PRMT8: variants seen among roughly 807,000 people sequenced by gnomAD.
PRMT8 encodes the protein protein arginine methyltransferase 8.
A neutral mutation model predicts 47.1 loss-of-function variants in PRMT8; 7 were observed. The ratio of observed to expected loss-of-function variants is 0.15; its 90% CI spans 0.08 to 0.28. The LOEUF (loss-of-function observed/expected upper bound fraction) is 0.28. Among genes scored for constraint, PRMT8 ranks in the 10% least tolerant of loss-of-function variants. PRMT8 has a pLI of 1.00. For missense variants in PRMT8, 237 were observed against 505.4 expected, an observed-to-expected ratio of 0.47 and a Z score of 5.09; for synonymous variants, 188 against 186.5, an observed-to-expected ratio of 1.01 and a Z score of -0.07.
At position 3,456,908 on chromosome 12, in the gene PRMT8, T is replaced by A. The variant is rs541815888; in HGVS notation, c.48+75466T>A. Among the ~76,000 whole-genome samples the A allele has an allele frequency of 6.6e-6, 1 of 152,320 alleles. No homozygotes were observed. The highest frequency in any genetic ancestry group is 2.1e-4 in the South Asian group (1 of 4,824). On this transcript the variant is annotated intron_variant, in intron 1 of 9. Transcript: ENST00000452611. This position sits in a 1 kb window ranked among gnomAD's most constrained non-coding sequence, Gnocchi z 4.2. ...ACACAGAGGACAGGTGCGTCTTTTC[T>A]TGCTGTGGCTGACGTCCTAGCCGTG...
chr12:3,564,750 C>T lies in PRMT8; in HGVS notation c.482-3956C>T, dbSNP rs1866690739. Among the ~76,000 whole-genome samples the T allele has an allele frequency of 6.6e-6, 1 of 152,256 alleles. No homozygotes were observed. The highest frequency in any genetic ancestry group is 2.1e-4 in the South Asian group (1 of 4,832). On this transcript the variant is annotated intron_variant, in intron 4 of 9. Transcript: ENST00000382622. This position sits in a 1 kb window ranked among gnomAD's most constrained non-coding sequence, Gnocchi z 4.0. The stretch of plus-strand genomic sequence containing the variant: ...CCAGATTGGGCATGGAGCTCTGCAG[C>T]CTACGGCTGCTCGGAATCTTAATAT...
At chr12:3,477,935 C>G (rs1269678505) in intron 1 of PRMT8, among the ~76,000 whole-genome samples, 1 of 152,134 alleles carries the variant, frequency 6.6e-6, no homozygotes, top group African/African-American at 2.4e-5. Flanking sequence ...CTTCCTTTCT[C>G]TTAGGTTGTA....
intron 1 of PRMT8, among the ~76,000 whole-genome samples, chr12:3,482,691 AC>A (rs1865285824): frequency 6.6e-6 from 1 of 152,120 alleles, no homozygotes; most frequent in South Asian, 2.1e-4. Flanking sequence ...TGTCCTTTTT[AC>A]ACTTGTATGT....
chr12:3,589,474 G>GAGGTC (rs1273473121), intron 8 of PRMT8, among the ~76,000 whole-genome samples: 1 of 152,152 alleles, frequency 6.6e-6, no homozygotes, highest in African/African-American at 2.4e-5. Context: ...CTTCCCAAAG[G>GAGGTC]AGGTCAGGAG....
intron 1 of PRMT8, among the ~76,000 whole-genome samples, chr12:3,523,711 A>G (rs150728665): frequency 6.6e-6 from 1 of 152,358 alleles, no homozygotes; most frequent in African/African-American, 2.4e-5. Flanking sequence ...TGGAATACCA[A>G]TCCCAAAGGC....
chr12:3,482,516 A>T (rs1865284609), intron 1 of PRMT8, among the ~76,000 whole-genome samples: 1 of 152,202 alleles, frequency 6.6e-6, no homozygotes, highest in African/African-American at 2.4e-5. Context: ...CAACACCTGC[A>T]AATATGGTGT....
intron 8 of PRMT8, among the ~76,000 whole-genome samples, chr12:3,587,430 A>G (rs1867203851): frequency 6.6e-6 from 1 of 152,006 alleles, no homozygotes; most frequent in African/African-American, 2.4e-5. Context: ...CTAGAAAGAC[A>G]TGGTAATAAC....
chr12:3,466,721 T>A (rs571284519), intron 1 of PRMT8, among the ~76,000 whole-genome samples: 1 of 152,310 alleles, frequency 6.6e-6, no homozygotes, highest in East Asian at 1.9e-4. Flanking sequence ...TTTATCAATC[T>A]GTCAAAACAG....
intron 1 of PRMT8, among the ~76,000 whole-genome samples, chr12:3,472,166 G>T (rs1030454050): frequency 6.6e-6 from 1 of 152,204 alleles, no homozygotes; most frequent in Non-Finnish European, 1.5e-5. Context: ...AACAAGAAAA[G>T]GTGATCGGAA....
In PRMT8 at chr12:3,576,647, C is replaced by A. The variant is rs556882467; in HGVS notation, c.713-224C>A. 2.0e-5 allele frequency among the ~76,000 whole-genome samples: 3 copies of A among 152,262 alleles called. No homozygotes were observed. In the South Asian group the frequency reaches 6.2e-4, roughly 32 times the overall value. The stretch of plus-strand genomic sequence containing the variant: ...CCTCTCTGAGCTCTAGTTTACCTAA[C>A]AACAAAGTGGGACTTACCTTTTCCC... On this transcript the variant is annotated intron_variant, in intron 6 of 9. Transcript: ENST00000382622. The surrounding 1 kb of genome is among the most constrained non-coding windows in gnomAD (Gnocchi z 4.0).
intron 1 of PRMT8, among the ~76,000 whole-genome samples, chr12:3,392,095 G>A (rs12818111): frequency 0.24 from 35,996 of 152,026 alleles, 4,430 homozygotes; most frequent in Middle Eastern, 0.29. Context: ...CAGGATGAGA[G>A]GAGGCACACA....
At chr12:3,407,237 C>T (rs1181060257) in intron 1 of PRMT8, among the ~76,000 whole-genome samples, 2 of 152,160 alleles carry the variant, frequency 1.3e-5, no homozygotes, top group Middle Eastern at 3.2e-3. Flanking sequence ...TTACCTCCCA[C>T]TGGGTCCCTC....
chr12:3,591,094 AT>A (rs2137239169), intron 8 of PRMT8, among the ~76,000 whole-genome samples: 1 of 152,260 alleles, frequency 6.6e-6, no homozygotes, highest in African/African-American at 2.4e-5. Context: ...GAGAGGAAGG[AT>A]TTCAGAGACA....
At chr12:3,410,481 TTTG>T (rs199596456) in intron 1 of PRMT8, among the ~76,000 whole-genome samples, 6 of 152,258 alleles carry the variant, frequency 3.9e-5, no homozygotes, top group East Asian at 1.9e-4. Context: ...CTTGCTTTTC[TTTG>T]TTGTTGTTGT....
chr12:3,429,208 C>T (rs891897904), intron 1 of PRMT8, among the ~76,000 whole-genome samples: 2 of 152,274 alleles, frequency 1.3e-5, no homozygotes, highest in South Asian at 2.1e-4. Context: ...GGTCTGGGTG[C>T]CCTGGCTTAC....
Position 3,569,353 on chromosome 12 carries a change from G to A in PRMT8, c.625-124G>A, listed in dbSNP as rs1866801701. 3 of 818,118 alleles carry A rather than the reference G, an allele frequency of 3.7e-6. No individual in the cohort carries two copies. The highest frequency in any genetic ancestry group is 6.4e-6 in the Non-Finnish European group (3 of 468,330). 50.7% of individuals were successfully genotyped at this position (818,118 alleles called of 1,614,324 possible). A position where few individuals can be genotyped will look rare whatever the true frequency, so the allele number is the denominator to read the frequency against. On this transcript the variant is annotated intron_variant, in intron 5 of 9. Coordinates refer to ENST00000382622, the MANE Select transcript of PRMT8 (RefSeq NM_019854.5). This position sits in a 1 kb window ranked among gnomAD's most constrained non-coding sequence, Gnocchi z 8.2. The stretch of plus-strand genomic sequence containing the variant: ...AGCCCTCACCCCAGACAAGGTGACA[G>A]TCCACTGCATGAGAGATGGTGGCAA...
chr12:3,442,146 G>C (rs374033671), intron 1 of PRMT8, among the ~76,000 whole-genome samples: 18 of 152,232 alleles, frequency 1.2e-4, no homozygotes, highest in Non-Finnish European at 2.1e-4. Flanking sequence ...TCAGCATCAA[G>C]CTAAAAAAGC....
At chr12:3,532,141 C>G (rs1266341881) in intron 1 of PRMT8, among the ~76,000 whole-genome samples, 1 of 151,910 alleles carries the variant, frequency 6.6e-6, no homozygotes, top group Non-Finnish European at 1.5e-5. Flanking sequence ...CAGGTTGTTT[C>G]TTTCAGAACG....
intron 9 of PRMT8, among the ~76,000 whole-genome samples, 156 bp from the exon 10 acceptor site, chr12:3,592,943 C>A (rs755012423): frequency 3.4e-4 from 51 of 152,160 alleles, no homozygotes; most frequent in Non-Finnish European, 6.5e-4. Context: ...AGAATGGATT[C>A]CTGTGGGCTG....
Sources: allele counts gnomAD v4.1 joint callset (sites outside exome capture counted in the v4.1 genomes callset), GRCh38; gene constraint gnomAD v4.1.1; non-coding constraint Gnocchi (gnomAD v3.1); transcripts MANE v1.5; gene names NCBI Gene and HGNC (gene_info 2026-07-23, HGNC 2026-07-21).